COX7B2: variants seen among roughly 807,000 people sequenced by gnomAD.
COX7B2 encodes cytochrome c oxidase subunit 7B2.
For synonymous variants in COX7B2, 37 were observed against 32.1 expected (o/e 1.15, Z -0.51); for missense variants, 109 against 95.9 (o/e 1.14, Z -0.57).
At chr4:46,740,014 T>A (rs1232744748) in intron 2 of COX7B2, among the ~76,000 whole-genome samples, 1 of 152,118 alleles carries the variant, frequency 6.6e-6, no homozygotes, top group Admixed American at 6.6e-5. Flanking sequence ...AATTCATTTT[T>A]AATTTTTTAT....
chr4:46,830,952 C>A (rs536063685), intron 2 of COX7B2, among the ~76,000 whole-genome samples: 2 of 152,338 alleles, frequency 1.3e-5, no homozygotes, highest in African/African-American at 4.8e-5. Flanking sequence ...ACTTGAGGAG[C>A]CCTTCAGCCC....
intron 2 of COX7B2, among the ~76,000 whole-genome samples, chr4:46,800,706 T>A (rs969481129): frequency 6.6e-6 from 1 of 152,146 alleles, no homozygotes; most frequent in East Asian, 1.9e-4. Flanking sequence ...AAAGATTTCA[T>A]GATGAAGACT....
At chr4:46,883,873 T>C (rs968705305) in intron 1 of COX7B2, among the ~76,000 whole-genome samples, 1 of 152,156 alleles carries the variant, frequency 6.6e-6, no homozygotes, top group African/African-American at 2.4e-5. Flanking sequence ...CATTATCTTG[T>C]CTCTTCTCCT....
chr4:46,786,206 G>A (rs1577703433), intron 2 of COX7B2, among the ~76,000 whole-genome samples: 1 of 152,092 alleles, frequency 6.6e-6, no homozygotes, highest in East Asian at 1.9e-4. Context: ...AAAGTATCTT[G>A]CCATTCCTGC....
intron 2 of COX7B2, among the ~76,000 whole-genome samples, chr4:46,816,224 C>T (rs1719543669): frequency 6.6e-6 from 1 of 152,208 alleles, no homozygotes; most frequent in South Asian, 2.1e-4. Context: ...ATGGTCAAAT[C>T]TTAACTCATA....
chr4:46,871,151 A>C (rs1717965789), intron 1 of COX7B2, among the ~76,000 whole-genome samples: 1 of 152,122 alleles, frequency 6.6e-6, no homozygotes, highest in African/African-American at 2.4e-5. Flanking sequence ...AGACACATAG[A>C]CCAATGGAAA....
rs964513211 is a variant in COX7B2, at chr4:46,828,093, T to C, written c.-50+16867A>G. On this transcript the variant is annotated intron_variant, in intron 2 of 2. Transcript: ENST00000355591. Reference sequence around the variant, plus strand: ...GCTGCATTTTACTGTATATGAATTATACCTTAATAAATTTGATTTAGGAAA... The same window carrying C: ...GCTGCATTTTACTGTATATGAATTACACCTTAATAAATTTGATTTAGGAAA... Among the ~76,000 whole-genome samples, 5 of 152,180 alleles carry C rather than the reference T, an allele frequency of 3.3e-5. 1 individual carries two copies. Among genetic ancestry groups the C allele is most frequent in the Admixed American group, 2.6e-4 (4 of 15,276 alleles).
At chr4:46,879,369 G>T (rs977419196) in intron 1 of COX7B2, among the ~76,000 whole-genome samples, 1 of 151,732 alleles carries the variant, frequency 6.6e-6, no homozygotes. Context: ...TCAGGTTGGA[G>T]TGCAGCAGTG....
At chr4:46,796,470 AG>A (rs1718353993) in intron 2 of COX7B2, among the ~76,000 whole-genome samples, 1 of 132,196 alleles carries the variant, frequency 7.6e-6, no homozygotes, top group Non-Finnish European at 1.6e-5. Flanking sequence ...GCGGAGAAAT[AG>A]GAACACTTTT....
intron 2 of COX7B2, among the ~76,000 whole-genome samples, chr4:46,822,335 A>T (rs537421524): frequency 6.6e-6 from 1 of 152,322 alleles, no homozygotes; most frequent in African/African-American, 2.4e-5. Context: ...TTATAGCCGT[A>T]AGACTCCAGA....
intron 2 of COX7B2, among the ~76,000 whole-genome samples, chr4:46,783,339 C>T (rs780880058): frequency 1.3e-5 from 2 of 152,196 alleles, no homozygotes; most frequent in Non-Finnish European, 2.9e-5. Context: ...GTGTAATTGA[C>T]CTGTAACCAG....
intron 2 of COX7B2, among the ~76,000 whole-genome samples, chr4:46,829,861 C>T (rs958269218): frequency 1.3e-5 from 2 of 152,088 alleles, no homozygotes; most frequent in African/African-American, 2.4e-5. Context: ...AGATTTTGAA[C>T]TTTATTACAT....
intron 2 of COX7B2, among the ~76,000 whole-genome samples, chr4:46,798,484 G>T (rs752787408): frequency 3.9e-5 from 6 of 152,176 alleles, no homozygotes; most frequent in Non-Finnish European, 8.8e-5. Flanking sequence ...GGTACTTAAA[G>T]TGTCACTCAG....
chr4:46,747,710 G>A (rs1715108925), intron 2 of COX7B2, among the ~76,000 whole-genome samples: 1 of 152,038 alleles, frequency 6.6e-6, no homozygotes, highest in Non-Finnish European at 1.5e-5. Flanking sequence ...ATATAATCAA[G>A]AGAATCTCCT....
intron 1 of COX7B2, among the ~76,000 whole-genome samples, chr4:46,863,138 T>G (rs1329402901): frequency 1.3e-5 from 2 of 152,246 alleles, no homozygotes; most frequent in East Asian, 3.9e-4. Context: ...TATGTAAAGG[T>G]TAATTCAAAT....
intron 2 of COX7B2, among the ~76,000 whole-genome samples, chr4:46,768,096 C>T (rs1217413712): frequency 5.3e-5 from 8 of 152,204 alleles, no homozygotes; most frequent in Admixed American, 4.6e-4. Flanking sequence ...TTGCTGTCCA[C>T]GGATTGCGTA....
Position 46,895,648 on chromosome 4 carries a change from GTTTT to G in COX7B2, c.-105+13508_-105+13511del, listed in dbSNP as rs1202535425. ...ATATACCCCTAAACCTAAAATAAAA[GTTTT>G]TTTAAGTATTAGGAAGTTAATTAGA... On this transcript the variant is annotated intron_variant, in intron 1 of 2. Transcript: ENST00000355591. 3.9e-5 allele frequency among the ~76,000 whole-genome samples: 6 copies of G among 151,916 alleles called. No individual in the cohort carries two copies. In the East Asian group the frequency reaches 1.2e-3, roughly 29 times the overall value.
intron 1 of COX7B2, among the ~76,000 whole-genome samples, chr4:46,878,703 A>G (rs1285512270): frequency 2.0e-5 from 3 of 152,150 alleles, no homozygotes; most frequent in Non-Finnish European, 2.9e-5. Flanking sequence ...GTCTTCCTCA[A>G]TATTTGGTTT....
intron 2 of COX7B2, among the ~76,000 whole-genome samples, chr4:46,801,937 T>A (rs1015170778): frequency 6.6e-6 from 1 of 152,148 alleles, no homozygotes; most frequent in Non-Finnish European, 1.5e-5. Flanking sequence ...GTATAGCTCT[T>A]CAGATTTTAG....
Sources: gnomAD v4.1 joint callset for allele counts (sites outside exome capture counted in the v4.1 genomes callset) on GRCh38, gnomAD v4.1.1 for gene constraint, MANE v1.5 for transcripts, NCBI Gene and HGNC (gene_info 2026-07-23, HGNC 2026-07-21) for gene names.